Variants in RPH3AL observed in about 807,000 individuals in gnomAD.
RPH3AL encodes rabphilin 3A like (without C2 domains), also known as rab effector Noc2.
A neutral mutation model predicts 43.1 loss-of-function variants in RPH3AL; 38 were observed. The observed-to-expected ratio is 0.88, with a 90% CI of 0.68 to 1.15. RPH3AL has a LOEUF of 1.15. Among genes scored for constraint, RPH3AL ranks in the 50% most tolerant of loss-of-function variants. RPH3AL has a pLI of 0.00. For synonymous variants in RPH3AL, 189 were observed against 176.3 expected (o/e 1.07, Z -0.57); for missense variants, 462 against 423.2 (o/e 1.09, Z -0.81).
chr17:243,025 T>C, intron 7 of RPH3AL, among the ~76,000 whole-genome samples: 1 of 120,810 alleles, frequency 8.3e-6, no homozygotes, highest in Non-Finnish European at 1.8e-5. Context: ...TTGAATACCT[T>C]CCTCTATTGA....
At chr17:226,156 T>C (rs960663617) in intron 7 of RPH3AL, among the ~76,000 whole-genome samples, 1 of 152,218 alleles carries the variant, frequency 6.6e-6, no homozygotes, top group African/African-American at 2.4e-5. Flanking sequence ...AAAAAACAGG[T>C]AGAAATCCTC....
At chr17:235,462 C>T (rs1460784778) in intron 7 of RPH3AL, among the ~76,000 whole-genome samples, 5 of 110,368 alleles carry the variant, frequency 4.5e-5, no homozygotes, top group Admixed American at 8.8e-5. Context: ...GGGTTCAAAG[C>T]TGGGGTCGGC....
At chr17:297,187 G>C (rs1346056651) in intron 5 of RPH3AL, among the ~76,000 whole-genome samples, 1 of 152,200 alleles carries the variant, frequency 6.6e-6, no homozygotes, top group African/African-American at 2.4e-5. Context: ...GGCCCCAGAG[G>C]GGATCCAACA....
At chr17:217,498 C>T (rs2040838206) in intron 8 of RPH3AL, among the ~76,000 whole-genome samples, 4 of 58,794 alleles carry the variant, frequency 6.8e-5, no homozygotes, top group African/African-American at 1.6e-4. Context: ...GCAGTTATTA[C>T]AGAGCCCTTC....
At chr17:251,738 C>T (rs979144660) in intron 6 of RPH3AL, among the ~76,000 whole-genome samples, 10 of 152,230 alleles carry the variant, frequency 6.6e-5, no homozygotes, top group African/African-American at 1.2e-4. Flanking sequence ...CAAAAGGCCA[C>T]GGGGGCCATG....
At chr17:307,246 T>A (rs74487513) in intron 5 of RPH3AL, among the ~76,000 whole-genome samples, 6 of 6,144 alleles carry the variant, frequency 9.8e-4, no homozygotes, top group East Asian at 4.9e-3. Flanking sequence ...CGGCAGGTCC[T>A]CCCCACGGCA....
At chr17:288,835 ACC>A (rs2042979968) in intron 5 of RPH3AL, among the ~76,000 whole-genome samples, 10 of 10,440 alleles carry the variant, frequency 9.6e-4, no homozygotes, top group East Asian at 3.3e-3. Flanking sequence ...CAGACCTCGC[ACC>A]CTCTCTCCAC....
At chr17:316,781 C>CCACCTCCATTGACCTGTAGTCCCTGTGAT (rs1567514530) in intron 5 of RPH3AL, among the ~76,000 whole-genome samples, 2 of 112,512 alleles carry the variant, frequency 1.8e-5, no homozygotes, top group Admixed American at 8.4e-5. Context: ...TCCCTGTGCC[C>CCACCTCCATTGACCTGTAGTCCCTGTGAT]CCACCTCCAT....
In RPH3AL at chr17:322,889, G is replaced by A. The variant is rs1567522853; in HGVS notation, c.78-1474C>T. Among the ~76,000 whole-genome samples the A allele has an allele frequency of 2.0e-5, 3 of 152,066 alleles. 1 individual carries two copies. The South Asian group carries it at 6.2e-4, about 32-fold the overall frequency. On this transcript the variant is annotated intron_variant, in intron 3 of 9. Coordinates refer to ENST00000331302, the MANE Select transcript of RPH3AL (RefSeq NM_006987.4). The surrounding 1 kb of genome is among the most constrained non-coding windows in gnomAD (Gnocchi z 4.0). ...AAGATCTAGGGTTTGGAGTCCACTG[G>A]ACAGTCTTATCTTCTGGTCCCGTCC...
intron 5 of RPH3AL, among the ~76,000 whole-genome samples, chr17:298,971 G>A (rs1598042486): frequency 6.6e-6 from 1 of 151,952 alleles, no homozygotes; most frequent in South Asian, 2.1e-4. Flanking sequence ...AAGTCAGCAG[G>A]CTGCAGCCGG....
chr17:227,709 A>G (rs1181235467), intron 7 of RPH3AL, among the ~76,000 whole-genome samples: 1 of 152,162 alleles, frequency 6.6e-6, no homozygotes, highest in Non-Finnish European at 1.5e-5. Context: ...CGCCCGGCAC[A>G]AGGACAGCCA....
intron 5 of RPH3AL, among the ~76,000 whole-genome samples, chr17:309,690 T>A (rs1384201769): frequency 1.9e-4 from 19 of 97,632 alleles, no homozygotes; most frequent in South Asian, 7.2e-4. Context: ...TCCCCTGCCC[T>A]GCCCCAGGCT....
At chr17:267,493 C>A (rs2042350815) in intron 6 of RPH3AL, among the ~76,000 whole-genome samples, 1 of 152,240 alleles carries the variant, frequency 6.6e-6, no homozygotes, top group South Asian at 2.1e-4. Flanking sequence ...CCCAGGACAA[C>A]AAATGTGCCT....
At chr17:268,575 T>TCC (rs2042379499) in intron 6 of RPH3AL, among the ~76,000 whole-genome samples, 1 of 144,008 alleles carries the variant, frequency 6.9e-6, no homozygotes, top group Admixed American at 7.0e-5. Context: ...TTTTTTTTTT[T>TCC]TTTGAGGCAG....
chr17:228,417 G>C (rs561036773), intron 7 of RPH3AL, among the ~76,000 whole-genome samples: 1 of 152,096 alleles, frequency 6.6e-6, no homozygotes, highest in Non-Finnish European at 1.5e-5. Context: ...CCGGGTTGTC[G>C]TGAGGGTCAA....
At chr17:296,638 G>A (rs1289207250) in intron 5 of RPH3AL, among the ~76,000 whole-genome samples, 1 of 152,206 alleles carries the variant, frequency 6.6e-6, no homozygotes, top group Non-Finnish European at 1.5e-5. Context: ...GCCACCACCG[G>A]TTGCACCTTC....
intron 3 of RPH3AL, among the ~76,000 whole-genome samples, chr17:325,436 C>A (rs990316667): frequency 6.6e-6 from 1 of 152,196 alleles, no homozygotes. Context: ...TCACAACACA[C>A]TGACCTCCGG....
chr17:250,884 C>A (rs2041887455), intron 6 of RPH3AL, among the ~76,000 whole-genome samples: 1 of 152,192 alleles, frequency 6.6e-6, no homozygotes, highest in Admixed American at 6.5e-5. Context: ...CGCTGTGGGA[C>A]CTCTCAGAGC....
chr17:246,986 G>C lies in RPH3AL; in HGVS notation c.613+125C>G. 1 of 983,548 alleles carries C rather than the reference G, an allele frequency of 1.0e-6. No individual in the cohort carries two copies. The highest frequency in any genetic ancestry group is 1.6e-6 in the Non-Finnish European group (1 of 632,346). The allele number at this position is 983,548 out of a possible 1,614,324, so 60.9% of individuals were successfully genotyped here. ...TGGAGCTGAGGGCACAGGGAGGGAC[G>C]CATCACCAGAATGAGCCTCGTGGAT... On this transcript the variant is annotated intron_variant, in intron 7 of 9. Coordinates refer to ENST00000331302, the MANE Select transcript of RPH3AL (RefSeq NM_006987.4). This position sits in a 1 kb window ranked among gnomAD's most constrained non-coding sequence, Gnocchi z 4.8.
Sources: gnomAD v4.1 joint callset for allele counts (sites outside exome capture counted in the v4.1 genomes callset) on GRCh38, gnomAD v4.1.1 for gene constraint, Gnocchi (gnomAD v3.1) non-coding constraint, MANE v1.5 for transcripts, NCBI Gene and HGNC (gene_info 2026-07-23, HGNC 2026-07-21) for gene names.